The following SLC14A2 variants were observed in gnomAD, a reference collection of about 807,000 sequenced individuals.
SLC14A2 encodes the protein urea transporter 2.
SLC14A2 carries 91 observed loss-of-function variants against 104.6 expected under a neutral mutation model. The ratio of observed to expected loss-of-function variants is 0.87; its 90% CI spans 0.73 to 1.04. The LOEUF is 1.04. Ranked by LOEUF, SLC14A2 falls within the 50% of genes least tolerant of loss-of-function variation. SLC14A2 has a pLI of 0.00. For missense variants in SLC14A2, 1,189 were observed against 1,156.0 expected (o/e 1.03, Z -0.41); for synonymous variants, 476 against 466.4 (o/e 1.02, Z -0.27).
At chr18:45,174,617 T>G in the SLC14A2 span, among the ~76,000 whole-genome samples, 1 of 152,162 alleles carries the variant, frequency 6.6e-6, no homozygotes. Context: ...AATAGTCTCA[T>G]GTACCCTTCT....
chr18:45,188,158 A>G, the SLC14A2 span, among the ~76,000 whole-genome samples: 1 of 152,158 alleles, frequency 6.6e-6, no homozygotes, highest in Non-Finnish European at 1.5e-5. Flanking sequence ...TGAATTCAAG[A>G]TGGTAGAGGA....
In SLC14A2 at chr18:45,360,072, G is replaced by A. The variant is rs191351075; in HGVS notation, c.-124-123161G>A. 3.5e-3 allele frequency among the ~76,000 whole-genome samples: 534 copies of A among 152,278 alleles called. 2 individuals carry two copies. The highest frequency in any genetic ancestry group is 8.4e-3 in the African/African-American group (348 of 41,548). On this transcript the variant is annotated intron_variant, in intron 1 of 20. Coordinates refer to the SLC14A2 transcript ENST00000586448. ...GCCCAGACGAGCTGTACTCAGCTCCGGACTTCTGCCCAACCTACCCTCACC... is the reference window on the plus strand; with the variant it reads ...GCCCAGACGAGCTGTACTCAGCTCCAGACTTCTGCCCAACCTACCCTCACC...
chr18:45,233,353 C>T (rs2084193600), intron 1 of SLC14A2, among the ~76,000 whole-genome samples: 2 of 152,236 alleles, frequency 1.3e-5, no homozygotes, highest in Admixed American at 1.3e-4. Context: ...GATAAACTAT[C>T]CCCTCCCCAA....
chr18:45,199,752 A>G, the SLC14A2 span, among the ~76,000 whole-genome samples: 1 of 152,148 alleles, frequency 6.6e-6, no homozygotes, highest in African/African-American at 2.4e-5. Flanking sequence ...TCCTTATATT[A>G]GCAGCTAAGC....
chr18:45,638,915 T>C (rs1182562644), intron 6 of SLC14A2, among the ~76,000 whole-genome samples: 1 of 152,094 alleles, frequency 6.6e-6, no homozygotes, highest in Non-Finnish European at 1.5e-5. Flanking sequence ...GCCCTGCCAT[T>C]CTCCCTCCTT....
At chr18:45,636,784 C>CAA (rs369876380) in intron 5 of SLC14A2, among the ~76,000 whole-genome samples, 13 of 143,574 alleles carry the variant, frequency 9.1e-5, no homozygotes, top group African/African-American at 3.3e-4. Context: ...AATAAATTGG[C>CAA]AAAAAAAAAA....
At chr18:45,259,741 G>A (rs1245916968) in intron 1 of SLC14A2, among the ~76,000 whole-genome samples, 1 of 152,098 alleles carries the variant, frequency 6.6e-6, no homozygotes, top group Non-Finnish European at 1.5e-5. Flanking sequence ...TTAACGAGAA[G>A]GGTAATATTT....
intron 2 of SLC14A2, among the ~76,000 whole-genome samples, chr18:45,541,711 A>T (rs2043886065): frequency 6.6e-6 from 1 of 152,270 alleles, no homozygotes; most frequent in Admixed American, 6.5e-5. Flanking sequence ...GGCAAGATCT[A>T]GATGTTCAAA....
the SLC14A2 span, among the ~76,000 whole-genome samples, chr18:45,204,510 A>G: frequency 9.5e-4 from 144 of 152,296 alleles, no homozygotes; most frequent in African/African-American, 3.2e-3. Flanking sequence ...GACTCAGTAT[A>G]AGTGTGGGTT....
rs188289981 is a variant in SLC14A2, at chr18:45,617,736, A to C, written c.-35+2154A>C. On this transcript the variant is annotated intron_variant, in intron 1 of 19. Coordinates refer to ENST00000255226, the MANE Select transcript of SLC14A2 (RefSeq NM_007163.4). Reference sequence around the variant, plus strand: ...ATTCTGGCAGCCTGACCAAACATCCACCTAGCCCCACACACCTGATTTTTC... The same window carrying C: ...ATTCTGGCAGCCTGACCAAACATCCCCCTAGCCCCACACACCTGATTTTTC... Among the ~76,000 whole-genome samples the C allele has an allele frequency of 1.1e-4, 17 of 152,150 alleles. 1 individual carries two copies. The highest frequency in any genetic ancestry group is 2.4e-4 in the African/African-American group (10 of 41,482).
At chr18:45,400,041 G>T (rs531830733) in intron 1 of SLC14A2, among the ~76,000 whole-genome samples, 1 of 152,274 alleles carries the variant, frequency 6.6e-6, no homozygotes, top group African/African-American at 2.4e-5. Flanking sequence ...AAGCATGGAA[G>T]TTTAGAGTAT....
rs1014295417 is a variant in SLC14A2 at position 45,472,422 on chromosome 18, T to A, written c.-124-10811T>A. Among the ~76,000 whole-genome samples the A allele has an allele frequency of 3.3e-5, 5 of 152,206 alleles. No individual in the cohort carries two copies. In the East Asian group the frequency reaches 9.6e-4, roughly 29 times the overall value. On this transcript the variant is annotated intron_variant, in intron 1 of 20. Transcript: ENST00000586448. Reference sequence around the variant, plus strand: ...TGGGATTGCTGGGTCAAATGGTATTTCTGGTTCTAGATCCTTGAGGAATCG... The same window carrying A: ...TGGGATTGCTGGGTCAAATGGTATTACTGGTTCTAGATCCTTGAGGAATCG...
At chr18:45,223,561 A>G (rs921535280) in intron 1 of SLC14A2, among the ~76,000 whole-genome samples, 12 of 152,326 alleles carry the variant, frequency 7.9e-5, no homozygotes, top group African/African-American at 2.9e-4. Flanking sequence ...TCCAATGGTT[A>G]GTTTTCATGA....
At chr18:45,291,424 T>C (rs901792513) in intron 1 of SLC14A2, among the ~76,000 whole-genome samples, 5 of 152,160 alleles carry the variant, frequency 3.3e-5, no homozygotes, top group Non-Finnish European at 7.4e-5. Flanking sequence ...TCCATTACCT[T>C]TCCCTCCAAG....
chr18:45,429,529 G>T (rs571884092), intron 1 of SLC14A2, among the ~76,000 whole-genome samples: 1 of 152,306 alleles, frequency 6.6e-6, no homozygotes, highest in East Asian at 1.9e-4. Context: ...CCCATCACTT[G>T]ATTCCCTGTT....
At chr18:45,292,532 A>T (rs1329594359) in intron 1 of SLC14A2, among the ~76,000 whole-genome samples, 1 of 152,184 alleles carries the variant, frequency 6.6e-6, no homozygotes, top group African/African-American at 2.4e-5. Flanking sequence ...TTCACGCATG[A>T]TCTCATTATG....
rs1387136024 is a variant in SLC14A2, at chr18:45,414,742, C to T, written c.-124-68491C>T. ...GCCAGGTGCGGTGCAAGGCACCGAG[C>T]GTAAAAAAAAAAAAAATATATATAT... On this transcript the variant is annotated intron_variant, in intron 1 of 20. Transcript: ENST00000586448. Among the ~76,000 whole-genome samples the T allele has an allele frequency of 9.2e-5, 4 of 43,596 alleles. 1 individual carries two copies. The highest frequency in any genetic ancestry group is 3.7e-4 in the Admixed American group (1 of 2,688). The allele number at this position is 43,596 out of a possible 152,430, so 28.6% of individuals were successfully genotyped here. A position where few individuals can be genotyped will look rare whatever the true frequency, so the allele number is the denominator to read the frequency against.
intron 1 of SLC14A2, among the ~76,000 whole-genome samples, chr18:45,376,347 C>A (rs2085774836): frequency 1.3e-5 from 2 of 152,184 alleles, no homozygotes; most frequent in Admixed American, 1.3e-4. Flanking sequence ...TGAGAAATGA[C>A]AGAACCAGTA....
At chr18:45,638,154 A>G (rs1442424701) in intron 6 of SLC14A2, among the ~76,000 whole-genome samples, 1 of 152,144 alleles carries the variant, frequency 6.6e-6, no homozygotes, top group Non-Finnish European at 1.5e-5. Flanking sequence ...CAATCATGGG[A>G]TATTTATTAA....
Sources: gnomAD v4.1 joint callset for allele counts (sites outside exome capture counted in the v4.1 genomes callset) on GRCh38, gnomAD v4.1.1 for gene constraint, MANE v1.5 for transcripts, NCBI Gene and HGNC (gene_info 2026-07-23, HGNC 2026-07-21) for gene names.